The following ARID4A variants were observed in gnomAD, a reference collection of about 807,000 sequenced individuals.
The protein encoded by ARID4A is AT-rich interactive domain-containing protein 4A.
ARID4A carries 39 observed loss-of-function variants against 148.6 expected under a neutral mutation model. The ratio of observed to expected loss-of-function variants is 0.26; its 90% CI spans 0.20 to 0.34. The LOEUF (loss-of-function observed/expected upper bound fraction) is 0.34. ARID4A is among the 10% of genes least tolerant of loss of function. The probability of loss-of-function intolerance (pLI) is 1.00; values close to 1 mark genes in which losing one functional copy is unlikely to be tolerated. For synonymous variants in ARID4A, 475 were observed against 481.2 expected, an observed-to-expected ratio of 0.99 and a Z score of 0.17; for missense variants, 1,265 against 1,449.1, an observed-to-expected ratio of 0.87 and a Z score of 2.06.
intron 3 of ARID4A, among the ~76,000 whole-genome samples, chr14:58,302,027 A>T (rs1476822013): frequency 6.6e-6 from 1 of 152,210 alleles, no homozygotes; most frequent in Admixed American, 6.5e-5. Flanking sequence ...TACAACAGGA[A>T]TTATGTTTTC....
chr14:58,359,107 CTTTTTT>C lies in ARID4A; in HGVS notation c.1854-9_1854-4del, dbSNP rs752553814. 6.2e-6 allele frequency: 8 copies of C among 1,298,784 alleles called. No homozygotes were observed. Among genetic ancestry groups the C allele is most frequent in the Admixed American group, 3.0e-5 (1 of 33,110 alleles). The allele number at this position is 1,298,784 out of a possible 1,614,324, so 80.5% of individuals were successfully genotyped here. On this transcript the variant is annotated intron_variant, in intron 17 of 23. Coordinates refer to ENST00000355431, the MANE Select transcript of ARID4A (RefSeq NM_002892.4). ...ATAATGTATAAAGTTTGTACAAACTCTTTTTTTTTTTTTTTTTTTTTAAGGTATGAT... is the reference window on the plus strand; with the variant it reads ...ATAATGTATAAAGTTTGTACAAACTCTTTTTTTTTTTTTTTAAGGTATGAT...
intron 1 of ARID4A, 61 bp from the exon 2 acceptor site, chr14:58,299,737 C>T: frequency 6.9e-7 from 1 of 1,453,630 alleles, no homozygotes; most frequent in Non-Finnish European, 9.6e-7. Context: ...ACTTTCTTTC[C>T]CTTGGTCGCT....
chr14:58,313,423 A>G (rs1011184083), intron 5 of ARID4A, among the ~76,000 whole-genome samples: 3 of 152,138 alleles, frequency 2.0e-5, no homozygotes, highest in Non-Finnish European at 1.5e-5. Flanking sequence ...TTGCGCTCCT[A>G]TGAGAATCTA....
intron 8 of ARID4A, among the ~76,000 whole-genome samples, chr14:58,326,514 G>A (rs1357766320): frequency 6.6e-6 from 1 of 152,238 alleles, no homozygotes; most frequent in African/African-American, 2.4e-5. Flanking sequence ...TTAGATGCGA[G>A]TGGGGGAATA....
At chr14:58,352,987 T>C (rs139747748) in intron 16 of ARID4A, among the ~76,000 whole-genome samples, 59 of 152,308 alleles carry the variant, frequency 3.9e-4, no homozygotes, top group African/African-American at 1.4e-3. Context: ...TATCCTACAG[T>C]GTCAACAAAT....
chr14:58,355,765 T>C (rs771805622), intron 17 of ARID4A, among the ~76,000 whole-genome samples: 14 of 152,230 alleles, frequency 9.2e-5, no homozygotes, highest in Non-Finnish European at 1.8e-4. Context: ...ATGATAGCCT[T>C]CTTTCTTCCT....
rs1268812335 is a variant in ARID4A, at chr14:58,365,252, T to C, written c.3163T>C (p.Ser1055Pro). 1 of 1,614,014 alleles carries C rather than the reference T, an allele frequency of 6.2e-7. No homozygotes were observed. Among genetic ancestry groups the C allele is most frequent in the Admixed American group, 1.7e-5 (1 of 60,008 alleles). The change falls in exon 20 of 24, where the codon TCT becomes CCT. Residue 1055 changes from serine to proline, a missense_variant. Physicochemically the swap from Ser to Pro is moderately conservative, Grantham distance 74 (BLOSUM62 -1). Transcript: ENST00000355431. The stretch of plus-strand genomic sequence containing the variant: ...AAATGGATTTGAAACTAATGTTGCC[T>C]CTGGTACCTGTAGTATAATTGTACA... ...SANGFETNVA[S>P]GTCSIIVQER...
chr14:58,307,120 T>C (rs2031667949), intron 5 of ARID4A, among the ~76,000 whole-genome samples: 1 of 152,246 alleles, frequency 6.6e-6, no homozygotes, highest in Non-Finnish European at 1.5e-5. Context: ...CTCAGTACTT[T>C]CAAACTGCAC....
intron 5 of ARID4A, among the ~76,000 whole-genome samples, chr14:58,311,395 T>C (rs1362767883): frequency 1.3e-5 from 2 of 152,172 alleles, no homozygotes; most frequent in Admixed American, 1.3e-4. Flanking sequence ...AGATTTTACC[T>C]CACACCTGCT....
At position 58,372,167 on chromosome 14, in the gene ARID4A, A is replaced by C. The variant is rs1566732775; in HGVS notation, c.*178A>C. On this transcript the variant is annotated 3_prime_UTR_variant, in exon 24 of 24. Transcript: ENST00000355431. ...CTTCTTTTTTCTTGTTGCAAAAAAT[A>C]AGCTGATTAATAAGTGAAGGTTAAG... The C allele has an allele frequency of 3.9e-6, 2 of 519,466 alleles. No individual in the cohort carries two copies. Among genetic ancestry groups the C allele is most frequent in the South Asian group, 5.7e-5 (2 of 35,260 alleles). The allele number at this position is 519,466 out of a possible 1,614,324, so 32.2% of individuals were successfully genotyped here. A position where few individuals can be genotyped will look rare whatever the true frequency, so the allele number is the denominator to read the frequency against.
chr14:58,315,322 A>T (rs896468265), intron 5 of ARID4A, among the ~76,000 whole-genome samples: 14 of 152,108 alleles, frequency 9.2e-5, no homozygotes, highest in Admixed American at 4.6e-4. Context: ...TTTCAAAGTG[A>T]TTATTGAAAT....
chr14:58,344,607 G>A (rs1029372014), intron 11 of ARID4A, 88 bp from the exon 12 acceptor site: 2 of 876,722 alleles, frequency 2.3e-6, no homozygotes, highest in South Asian at 3.6e-5. Flanking sequence ...AAAATTTGAT[G>A]ACTTTACATT....
At chr14:58,342,407 TA>T (rs1177974703) in intron 11 of ARID4A, among the ~76,000 whole-genome samples, 4 of 151,964 alleles carry the variant, frequency 2.6e-5, no homozygotes, top group Non-Finnish European at 5.9e-5. Flanking sequence ...CACTAACTTT[TA>T]AAAAAAATAC....
At chr14:58,313,087 G>A (rs2032162502) in intron 5 of ARID4A, among the ~76,000 whole-genome samples, 1 of 152,152 alleles carries the variant, frequency 6.6e-6, no homozygotes, top group South Asian at 2.1e-4. Flanking sequence ...TATGGTTGGT[G>A]TTACTGTGAA....
rs372943614 is a variant in ARID4A at position 58,337,936 on chromosome 14, G to T, written c.907-6759G>T. Among the ~76,000 whole-genome samples, 4 of 152,286 alleles carry T rather than the reference G, an allele frequency of 2.6e-5. 1 individual carries two copies. The stretch of plus-strand genomic sequence containing the variant: ...CTTTAGAAGTCTGCCTGATCATGAT[G>T]TGACCCATGCCCACCTCTTTATTCT... On this transcript the variant is annotated intron_variant, in intron 11 of 23. Coordinates refer to ENST00000355431, the MANE Select transcript of ARID4A (RefSeq NM_002892.4).
chr14:58,371,997 T>A lies in ARID4A; in HGVS notation c.*8T>A, dbSNP rs1208824149. 6.4e-7 allele frequency: 1 copy of A among 1,568,868 alleles called. No individual in the cohort carries two copies. Among genetic ancestry groups the A allele is most frequent in the Non-Finnish European group, 8.8e-7 (1 of 1,139,842 alleles). The stretch of plus-strand genomic sequence containing the variant: ...GCTGTAGAATGCAGGTGATAAACAT[T>A]TTCTCTACCTTCCCAGCAGTTTGCT... On this transcript the variant is annotated 3_prime_UTR_variant, in exon 24 of 24. Transcript: ENST00000355431.
chr14:58,360,858 T>A, intron 18 of ARID4A, 43 bp from the exon 19 acceptor site: 1 of 1,579,254 alleles, frequency 6.3e-7, no homozygotes, highest in Non-Finnish European at 8.6e-7. Context: ...TCATTTTTCG[T>A]AAAGCATTGG....
intron 7 of ARID4A, among the ~76,000 whole-genome samples, chr14:58,320,066 G>A (rs931403787): frequency 1.3e-5 from 2 of 149,918 alleles, no homozygotes; most frequent in Non-Finnish European, 2.9e-5. Flanking sequence ...TCCTGCCTCA[G>A]CCTCCCGAGT....
chr14:58,338,785 A>C (rs2033957531), intron 11 of ARID4A, among the ~76,000 whole-genome samples: 1 of 152,054 alleles, frequency 6.6e-6, no homozygotes, highest in South Asian at 2.1e-4. Context: ...GAATATAATA[A>C]AAGATCTTAC....
Sources: gnomAD v4.1 joint callset for allele counts (sites outside exome capture counted in the v4.1 genomes callset) on GRCh38, gnomAD v4.1.1 for gene constraint, MANE v1.5 for transcripts, NCBI Gene and HGNC (gene_info 2026-07-23, HGNC 2026-07-21) for gene names.